ATG4C: variants seen among roughly 807,000 people sequenced by gnomAD.
The protein encoded by ATG4C is cysteine protease ATG4C.
Under a neutral mutation model 57.6 loss-of-function variants are expected in ATG4C, and 56 were observed. The observed-to-expected ratio is 0.97, with a 90% CI of 0.78 to 1.21. ATG4C has a LOEUF of 1.21. ATG4C is among the 50% of genes most tolerant of loss of function. The pLI, the probability that ATG4C is intolerant of heterozygous loss-of-function variation, is 0.00. For synonymous variants in ATG4C, 157 were observed against 174.1 expected, an observed-to-expected ratio of 0.90 and a Z score of 0.78; for missense variants, 595 against 529.8, an observed-to-expected ratio of 1.12 and a Z score of -1.21.
chr1:62,818,049 C>T lies in ATG4C; in HGVS notation c.395-956C>T, dbSNP rs80301006. On this transcript the variant is annotated intron_variant, in intron 4 of 10. Coordinates refer to ENST00000317868, the MANE Select transcript of ATG4C (RefSeq NM_032852.4). ...GGCAAGGATTGGAATATTTTTCAGT[C>T]CTCACTAGATCTCTGAATCTATGAC... Among the ~76,000 whole-genome samples the T allele has an allele frequency of 7.2e-3, 1,092 of 152,108 alleles. 6 individuals carry two copies. The highest frequency in any genetic ancestry group is 9.4e-3 in the Non-Finnish European group (640 of 67,976).
In ATG4C at chr1:62,816,703, C is replaced by T. The variant is rs777360948; in HGVS notation, c.289C>T (p.Gln97Ter). 5.6e-6 allele frequency: 9 copies of T among 1,613,764 alleles called. No homozygotes were observed. Among genetic ancestry groups the T allele is most frequent in the Non-Finnish European group, 6.8e-6 (8 of 1,179,878 alleles). Residue 97 changes from glutamine to a stop codon, truncating the protein, a stop_gained, in exon 4 of 11, where the codon CAA becomes TAA. Transcript: ENST00000317868. LOFTEE classifies it high-confidence loss of function. Reference protein sequence around the residue: ...IWLTYREEFPQIEGSALTTDC... With the variant: ...IWLTYREEFP ...GCTGACCTACAGGGAAGAATTCCCT[C>T]AAATAGAAGGCTCAGCTTTGACAAC...
At chr1:62,787,029 T>G (rs1478972562) in intron 1 of ATG4C, among the ~76,000 whole-genome samples, 1 of 152,188 alleles carries the variant, frequency 6.6e-6, no homozygotes, top group Admixed American at 6.5e-5. Flanking sequence ...TATCATGGGC[T>G]AATCTTAGGT....
Position 62,814,030 on chromosome 1 carries a change from A to G in ATG4C, c.161-2545A>G, listed in dbSNP as rs138847339. ...AGGGAGTTCAACCATTGTGGAAGAC[A>G]GTGTGGCGATTCCTCAAAGATCTAG... On this transcript the variant is annotated intron_variant, in intron 3 of 10. Coordinates refer to ENST00000317868, the MANE Select transcript of ATG4C (RefSeq NM_032852.4). 3.5e-4 allele frequency among the ~76,000 whole-genome samples: 54 copies of G among 152,340 alleles called. 1 individual carries two copies. In the East Asian group the frequency reaches 9.1e-3, roughly 26 times the overall value.
chr1:62,811,365 C>G (rs369783587), intron 3 of ATG4C, among the ~76,000 whole-genome samples: 1 of 152,278 alleles, frequency 6.6e-6, no homozygotes, highest in African/African-American at 2.4e-5. Context: ...GAGCTACAAA[C>G]TTATTTCCTT....
At chr1:62,787,572 T>C (rs950363981) in intron 1 of ATG4C, among the ~76,000 whole-genome samples, 4 of 152,202 alleles carry the variant, frequency 2.6e-5, no homozygotes, top group African/African-American at 9.6e-5. Flanking sequence ...TAGTGATTTA[T>C]AGTTTATTGT....
chr1:62,819,190 G>T lies in ATG4C; in HGVS notation c.580G>T (p.Glu194Ter). Reference sequence around the variant, plus strand: ...TTCTGATGATCATGAAATGCGAAATGAAGTTTATCATAGGAAAATCATCTC... The same window carrying T: ...TTCTGATGATCATGAAATGCGAAATTAAGTTTATCATAGGAAAATCATCTC... Reference protein sequence around the residue: ...KYSDDHEMRNEVYHRKIISWF... With the variant: ...KYSDDHEMRN The change falls in exon 5 of 11, where the codon GAA becomes TAA. Residue 194 changes from glutamate to a stop codon, truncating the protein, a stop_gained. Coordinates refer to ENST00000317868, the MANE Select transcript of ATG4C (RefSeq NM_032852.4). LOFTEE classifies it high-confidence loss of function. 1 of 1,613,582 alleles carries T rather than the reference G, an allele frequency of 6.2e-7. No individual in the cohort carries two copies.
At chr1:62,813,714 A>G (rs376077279) in intron 3 of ATG4C, among the ~76,000 whole-genome samples, 179 of 152,334 alleles carry the variant, frequency 1.2e-3, no homozygotes, top group African/African-American at 4.1e-3. Flanking sequence ...ACAAAGGACT[A>G]ATATCCAGAA....
chr1:62,848,671 G>A (rs1666400382), intron 10 of ATG4C, among the ~76,000 whole-genome samples: 1 of 152,124 alleles, frequency 6.6e-6, no homozygotes, highest in South Asian at 2.1e-4. Context: ...TTCTTGCTTA[G>A]AAATAAAGAC....
At chr1:62,820,175 G>A (rs1194928068) in intron 5 of ATG4C, among the ~76,000 whole-genome samples, 2 of 151,910 alleles carry the variant, frequency 1.3e-5, no homozygotes, top group African/African-American at 4.8e-5. Flanking sequence ...TTCCAACTTG[G>A]TATGACATTT....
intron 10 of ATG4C, among the ~76,000 whole-genome samples, chr1:62,857,993 C>A (rs1484906662): frequency 6.6e-6 from 1 of 152,178 alleles, no homozygotes; most frequent in Non-Finnish European, 1.5e-5. Context: ...TGTCCTCTTA[C>A]ATCTACCTGC....
chr1:62,791,233 A>C (rs1664265638), intron 1 of ATG4C, among the ~76,000 whole-genome samples: 1 of 152,198 alleles, frequency 6.6e-6, no homozygotes, highest in Non-Finnish European at 1.5e-5. Context: ...ACTGGGTTTC[A>C]TGGCTCATTG....
chr1:62,812,092 ATTC>A (rs774327826), intron 3 of ATG4C, among the ~76,000 whole-genome samples: 3 of 152,096 alleles, frequency 2.0e-5, no homozygotes, highest in Non-Finnish European at 4.4e-5. Context: ...GACCTTCTTT[ATTC>A]TTGGTGATAT....
At chr1:62,854,046 A>C (rs1390228886) in intron 10 of ATG4C, among the ~76,000 whole-genome samples, 1 of 151,954 alleles carries the variant, frequency 6.6e-6, no homozygotes, top group African/African-American at 2.4e-5. Flanking sequence ...AATTTCAATT[A>C]GGATGCTTAC....
intron 1 of ATG4C, among the ~76,000 whole-genome samples, chr1:62,788,445 A>G (rs1664159517): frequency 4.6e-5 from 7 of 152,092 alleles, no homozygotes; most frequent in African/African-American, 1.7e-4. Context: ...ACACACACAC[A>G]CACACACACA....
At chr1:62,823,738 C>T (rs1451847002) in intron 6 of ATG4C, among the ~76,000 whole-genome samples, 1 of 152,162 alleles carries the variant, frequency 6.6e-6, no homozygotes, top group Non-Finnish European at 1.5e-5. Flanking sequence ...CGCCCTCAGG[C>T]CATTCCTTAG....
rs1394770776 is a variant in ATG4C at position 62,829,108 on chromosome 1, G to A, written c.865G>A (p.Val289Ile). Residue 289 changes from valine (V) to isoleucine (I), a missense_variant, in exon 7 of 11, where the codon GTT becomes ATT. By Grantham distance (29) the Val-to-Ile change is conservative (BLOSUM62 3). Coordinates refer to ENST00000317868, the MANE Select transcript of ATG4C (RefSeq NM_032852.4). ...TTCTGATAATGCAGATGACAAAGCTGTTATTATTCTAGTTCCTGTTAGACT... is the reference window on the plus strand; with the variant it reads ...TTCTGATAATGCAGATGACAAAGCTATTATTATTCTAGTTCCTGTTAGACT... The part of the protein sequence containing the change: ...MTSDNADDKA[V>I]IILVPVRLGG... 6.2e-7 allele frequency: 1 copy of A among 1,612,982 alleles called. No individual in the cohort carries two copies. The highest frequency in any genetic ancestry group is 8.5e-7 in the Non-Finnish European group (1 of 1,179,358).
At position 62,809,868 on chromosome 1, in the gene ATG4C, C is replaced by A. The variant is rs550969281; in HGVS notation, c.160+4613C>A. Among the ~76,000 whole-genome samples the A allele has an allele frequency of 4.6e-5, 7 of 151,974 alleles. No individual in the cohort carries two copies. The South Asian group carries it at 1.5e-3, about 32-fold the overall frequency. On this transcript the variant is annotated intron_variant, in intron 3 of 10. Transcript: ENST00000317868. ...ATGCAAAATAAAATGAGATACTGTT[C>A]TTACTTATCAGATATAATATACACA...
intron 1 of ATG4C, among the ~76,000 whole-genome samples, chr1:62,786,186 G>T (rs1381734753): frequency 1.3e-5 from 2 of 152,182 alleles, no homozygotes; most frequent in Non-Finnish European, 2.9e-5. Context: ...TACAACAGCT[G>T]CAAGGATCTG....
At chr1:62,789,746 G>A (rs957450420) in intron 1 of ATG4C, among the ~76,000 whole-genome samples, 18 of 152,120 alleles carry the variant, frequency 1.2e-4, no homozygotes, top group Admixed American at 9.2e-4. Flanking sequence ...AAACCCGGGA[G>A]GCGGAGCTTG....
Sources: gnomAD v4.1 joint callset for allele counts (sites outside exome capture counted in the v4.1 genomes callset) on GRCh38, gnomAD v4.1.1 for gene constraint, MANE v1.5 for transcripts, NCBI Gene and HGNC (gene_info 2026-07-23, HGNC 2026-07-21) for gene names.